Variants in SLC1A1 observed in about 807,000 individuals in gnomAD.
SLC1A1 encodes excitatory amino acid transporter 3.
SLC1A1 carries 43 observed loss-of-function variants against 53.3 expected under a neutral mutation model. The observed-to-expected ratio is 0.81, with a 90% CI of 0.63 to 1.04. The LOEUF (loss-of-function observed/expected upper bound fraction) is 1.04, where lower values mean the gene tolerates loss of function less well. Among genes scored for constraint, SLC1A1 ranks in the 50% least tolerant of loss-of-function variants. The probability of loss-of-function intolerance (pLI) is 0.00; values close to 1 mark genes in which losing one functional copy is unlikely to be tolerated. For missense variants in SLC1A1, 748 were observed against 664.9 expected (o/e 1.12, Z -1.37); for synonymous variants, 307 against 243.2 (o/e 1.26, Z -2.44).
intron 2 of SLC1A1, among the ~76,000 whole-genome samples, chr9:4,558,548 T>G (rs1818640753): frequency 6.6e-6 from 1 of 152,146 alleles, no homozygotes; most frequent in Admixed American, 6.5e-5. Context: ...GTTTAAGATA[T>G]TTTCACCAAG....
chr9:4,497,651 A>G (rs1820481368), intron 1 of SLC1A1, among the ~76,000 whole-genome samples: 1 of 152,208 alleles, frequency 6.6e-6, no homozygotes, highest in Non-Finnish European at 1.5e-5. Flanking sequence ...AGCAACATAG[A>G]TTAACACTTG....
intron 1 of SLC1A1, among the ~76,000 whole-genome samples, chr9:4,518,189 C>G (rs1815929288): frequency 8.0e-6 from 1 of 125,294 alleles, no homozygotes; most frequent in Non-Finnish European, 1.6e-5. Flanking sequence ...GAGCCGAGAT[C>G]TCACCATTGC....
intron 6 of SLC1A1, among the ~76,000 whole-genome samples, chr9:4,568,040 A>G (rs1332601072): frequency 3.9e-5 from 6 of 152,120 alleles, no homozygotes; most frequent in Admixed American, 1.3e-4. Flanking sequence ...TTTGATTCTC[A>G]TGCTGGAAAC....
chr9:4,548,276 A>C (rs781210300), intron 2 of SLC1A1, among the ~76,000 whole-genome samples: 3 of 152,182 alleles, frequency 2.0e-5, no homozygotes, highest in Non-Finnish European at 4.4e-5. Context: ...TGGCCGTGGA[A>C]AACACACAGG....
intron 6 of SLC1A1, among the ~76,000 whole-genome samples, chr9:4,570,808 C>T (rs1405758707): frequency 6.6e-6 from 1 of 151,666 alleles, no homozygotes; most frequent in Non-Finnish European, 1.5e-5. Flanking sequence ...ACTTGGGAGG[C>T]TGAGGTGAGA....
intron 11 of SLC1A1, among the ~76,000 whole-genome samples, chr9:4,584,911 C>A (rs879630902): frequency 6.6e-6 from 1 of 152,218 alleles, no homozygotes; most frequent in Non-Finnish European, 1.5e-5. Flanking sequence ...ACCCACAAAA[C>A]ACCCAAGTTC....
At chr9:4,538,606 T>C (rs1816760836) in intron 1 of SLC1A1, among the ~76,000 whole-genome samples, 1 of 152,236 alleles carries the variant, frequency 6.6e-6, no homozygotes, top group Admixed American at 6.5e-5. Context: ...AATTTTTGCA[T>C]TTATTTTTAT....
At chr9:4,582,923 T>G in intron 10 of SLC1A1, 115 bp from the exon 11 acceptor site, 3 of 1,342,944 alleles carry the variant, frequency 2.2e-6, no homozygotes, top group Non-Finnish European at 3.2e-6. Flanking sequence ...AACTACCCAA[T>G]TTAGGGACAC....
chr9:4,556,588 A>G lies in SLC1A1; in HGVS notation c.233-4861A>G, dbSNP rs1818414469. Among the ~76,000 whole-genome samples the G allele has an allele frequency of 6.6e-6, 1 of 152,222 alleles. No homozygotes were observed. Among genetic ancestry groups the G allele is most frequent in the Non-Finnish European group, 1.5e-5 (1 of 68,040 alleles). ...GGGGGTCCATTGAGAATAAAAACTC[A>G]GAACTAAAGGGCAAATGAGGTTTTA... On this transcript the variant is annotated intron_variant, in intron 2 of 11. Coordinates refer to ENST00000262352, the MANE Select transcript of SLC1A1 (RefSeq NM_004170.6). The surrounding 1 kb of genome is among the most constrained non-coding windows in gnomAD (Gnocchi z 4.1).
chr9:4,545,499 C>T (rs72691964), intron 2 of SLC1A1, among the ~76,000 whole-genome samples: 13,588 of 152,240 alleles, frequency 0.089, 984 homozygotes, highest in African/African-American at 0.2. Context: ...ATGTTTTCAG[C>T]CATTCACTCA....
intron 1 of SLC1A1, among the ~76,000 whole-genome samples, chr9:4,498,801 C>CA (rs575133354): frequency 1.3e-5 from 2 of 148,878 alleles, no homozygotes; most frequent in African/African-American, 4.9e-5. Flanking sequence ...AGTTCATCTG[C>CA]AAAAAAATAT....
chr9:4,501,729 A>C (rs1820638068), intron 1 of SLC1A1, among the ~76,000 whole-genome samples: 1 of 151,618 alleles, frequency 6.6e-6, no homozygotes, highest in African/African-American at 2.4e-5. Flanking sequence ...ACGCCATTGC[A>C]CTCCAGCCTG....
intron 6 of SLC1A1, among the ~76,000 whole-genome samples, chr9:4,570,786 G>A (rs1302309227): frequency 3.3e-5 from 5 of 151,924 alleles, no homozygotes; most frequent in African/African-American, 1.2e-4. Flanking sequence ...GCATGCCCCC[G>A]TAGACCCAGC....
intron 2 of SLC1A1, chr9:4,559,692 T>A (rs1818747869): frequency 6.6e-6 from 1 of 152,208 alleles, no homozygotes; most frequent in South Asian, 2.1e-4. Flanking sequence ...TACCTTAGGC[T>A]TTGCAAATGG....
intron 1 of SLC1A1, among the ~76,000 whole-genome samples, chr9:4,525,452 A>G (rs1378378197): frequency 2.6e-5 from 4 of 152,182 alleles, no homozygotes; most frequent in Admixed American, 6.5e-5. Flanking sequence ...CAACTCAGAA[A>G]AAAGCCAACC....
intron 1 of SLC1A1, among the ~76,000 whole-genome samples, chr9:4,493,451 A>G (rs1820307964): frequency 6.6e-6 from 1 of 152,216 alleles, no homozygotes; most frequent in Admixed American, 6.5e-5. Context: ...GTAAGAGCTT[A>G]TTTTATAACT....
chr9:4,532,058 A>G (rs1816491775), intron 1 of SLC1A1, among the ~76,000 whole-genome samples: 1 of 152,180 alleles, frequency 6.6e-6, no homozygotes, highest in African/African-American at 2.4e-5. Context: ...CCATCTGTAC[A>G]TCACCATCAT....
chr9:4,521,072 A>G (rs946051498), intron 1 of SLC1A1, among the ~76,000 whole-genome samples: 2 of 152,124 alleles, frequency 1.3e-5, no homozygotes, highest in African/African-American at 2.4e-5. Flanking sequence ...GTATATCTTC[A>G]TTGGAGAAAT....
intron 2 of SLC1A1, among the ~76,000 whole-genome samples, chr9:4,561,185 C>G (rs1818902210): frequency 6.6e-6 from 1 of 152,104 alleles, no homozygotes; most frequent in Non-Finnish European, 1.5e-5. Flanking sequence ...CTGACCAACT[C>G]CAGGAAGATC....
Sources: gnomAD v4.1 joint callset for allele counts (sites outside exome capture counted in the v4.1 genomes callset) on GRCh38, gnomAD v4.1.1 for gene constraint, Gnocchi (gnomAD v3.1) non-coding constraint, MANE v1.5 for transcripts, NCBI Gene and HGNC (gene_info 2026-07-23, HGNC 2026-07-21) for gene names.